THSD4: variants seen among roughly 807,000 people sequenced by gnomAD.
THSD4 encodes thrombospondin type-1 domain-containing protein 4.
In THSD4, 69 loss-of-function variants were observed where a neutral mutation model predicts 119.0. That is an observed-to-expected ratio of 0.58 (90% CI 0.48 to 0.71). THSD4 has a LOEUF of 0.71. Ranked by LOEUF, THSD4 falls within the 30% of genes least tolerant of loss-of-function variation. The pLI is 0.00. For synonymous variants in THSD4, 524 were observed against 540.4 expected (o/e 0.97, Z 0.42); for missense variants, 1,393 against 1,391.1 (o/e 1.00, Z -0.02).
intron 8 of THSD4, among the ~76,000 whole-genome samples, chr15:71,687,950 G>A (rs2051953726): frequency 6.6e-6 from 1 of 152,122 alleles, no homozygotes; most frequent in Admixed American, 6.5e-5. Context: ...AGCTAAGTCT[G>A]TTATTAGCCA....
chr15:71,638,119 A>T (rs2050785869), intron 7 of THSD4, among the ~76,000 whole-genome samples: 1 of 152,190 alleles, frequency 6.6e-6, no homozygotes. Context: ...TTTTGTTTTA[A>T]AAAGTGCAGG....
intron 6 of THSD4, among the ~76,000 whole-genome samples, chr15:71,303,231 T>C (rs2044976994): frequency 6.6e-6 from 1 of 152,184 alleles, no homozygotes; most frequent in Admixed American, 6.5e-5. Flanking sequence ...CATCACTAGC[T>C]CTGGGCGCCG....
intron 3 of THSD4, among the ~76,000 whole-genome samples, chr15:71,206,381 C>T (rs2043844082): frequency 6.6e-6 from 1 of 152,208 alleles, no homozygotes; most frequent in African/African-American, 2.4e-5. Flanking sequence ...GTTGTCCTAG[C>T]TGAGCAGCCA....
intron 13 of THSD4, among the ~76,000 whole-genome samples, chr15:71,747,789 T>C (rs1403038092): frequency 6.6e-6 from 1 of 152,228 alleles, no homozygotes; most frequent in Non-Finnish European, 1.5e-5. Flanking sequence ...TACGTATTAA[T>C]CAGTATGTCA....
chr15:71,324,364 A>T (rs758724409), intron 6 of THSD4, among the ~76,000 whole-genome samples: 6 of 152,008 alleles, frequency 3.9e-5, no homozygotes, highest in Admixed American at 1.3e-4. Flanking sequence ...TACACAGATG[A>T]ATTGTAGAGT....
intron 5 of THSD4, among the ~76,000 whole-genome samples, chr15:71,247,284 G>A (rs765506696): frequency 5.9e-5 from 9 of 152,050 alleles, no homozygotes; most frequent in Admixed American, 1.3e-4. Context: ...GTGCAGTGGC[G>A]CAGTCTTTTA....
chr15:71,754,381 C>T (rs778791848), intron 14 of THSD4, among the ~76,000 whole-genome samples: 1 of 152,106 alleles, frequency 6.6e-6, no homozygotes, highest in Non-Finnish European at 1.5e-5. Context: ...TGAGCCACCA[C>T]ACCTGGCCTA....
chr15:71,567,666 TGA>T (rs2049269439), intron 7 of THSD4, among the ~76,000 whole-genome samples: 1 of 150,222 alleles, frequency 6.7e-6, no homozygotes, highest in African/African-American at 2.5e-5. Flanking sequence ...CTTCAGGAGC[TGA>T]GAGAGGAAGG....
intron 7 of THSD4, among the ~76,000 whole-genome samples, chr15:71,607,889 T>G (rs768789366): frequency 6.6e-6 from 1 of 152,152 alleles, no homozygotes; most frequent in Non-Finnish European, 1.5e-5. Context: ...GCCAAGGTTT[T>G]CATATTGTTT....
At chr15:71,758,138 T>G in intron 15 of THSD4, 63 bp downstream of exon 15, 1 of 1,487,254 alleles carries the variant, frequency 6.7e-7, no homozygotes, top group Middle Eastern at 2.0e-4. Context: ...CCAGAGGGGT[T>G]AGGAACCAGG....
intron 6 of THSD4, among the ~76,000 whole-genome samples, chr15:71,297,296 A>C (rs2044875680): frequency 6.8e-6 from 1 of 146,762 alleles, no homozygotes; most frequent in African/African-American, 2.5e-5. Flanking sequence ...TATTTATTCA[A>C]GTCCTTTGCT....
chr15:71,210,293 T>C (rs2043878602), intron 3 of THSD4, among the ~76,000 whole-genome samples: 1 of 152,202 alleles, frequency 6.6e-6, no homozygotes, highest in Non-Finnish European at 1.5e-5. Context: ...GGTGGGTGTT[T>C]TGAGGATTAA....
chr15:71,174,296 G>A (rs1300593848), intron 3 of THSD4, among the ~76,000 whole-genome samples: 3 of 152,120 alleles, frequency 2.0e-5, no homozygotes, highest in Admixed American at 1.3e-4. Flanking sequence ...TGCGCGCGCC[G>A]AAGCAGGGCG....
chr15:71,545,985 G>T (rs924599348), intron 7 of THSD4, among the ~76,000 whole-genome samples: 1 of 152,078 alleles, frequency 6.6e-6, no homozygotes, highest in African/African-American at 2.4e-5. Flanking sequence ...TTTACTTTCT[G>T]GGGCTGGCTG....
rs997170878 is a variant in THSD4 at position 71,609,075 on chromosome 15, A to G, written c.1153-51455A>G. On this transcript the variant is annotated intron_variant, in intron 7 of 17. Transcript: ENST00000261862. ...CTTAGTGCTGGCTTATCTATTGGTA[A>G]TGATCTAAAGAACATTAACTACCAG... 2.6e-5 allele frequency among the ~76,000 whole-genome samples: 4 copies of G among 152,176 alleles called. No homozygotes were observed. The South Asian group carries it at 8.3e-4, about 32-fold the overall frequency.
intron 6 of THSD4, among the ~76,000 whole-genome samples, chr15:71,310,839 TG>T (rs2045100994): frequency 6.6e-6 from 1 of 152,148 alleles, no homozygotes. Context: ...TGGTGGAGAA[TG>T]GGACTGAGAG....
At chr15:71,484,784 C>T (rs1427016647) in intron 7 of THSD4, among the ~76,000 whole-genome samples, 1 of 152,126 alleles carries the variant, frequency 6.6e-6, no homozygotes. Flanking sequence ...TGAAGTGAAC[C>T]CTTGTGATGG....
chr15:71,483,977 A>C (rs2140675211), intron 7 of THSD4, among the ~76,000 whole-genome samples: 1 of 152,288 alleles, frequency 6.6e-6, no homozygotes, highest in East Asian at 1.9e-4. Context: ...GGGAGACACC[A>C]TTCATTCTGC....
chr15:71,280,630 CTG>C (rs2044640512), intron 6 of THSD4, among the ~76,000 whole-genome samples: 1 of 150,570 alleles, frequency 6.6e-6, no homozygotes, highest in African/African-American at 2.5e-5. Flanking sequence ...CTCATTTTTC[CTG>C]TGTTTCTGTT....
Sources: gnomAD v4.1 joint callset for allele counts (sites outside exome capture counted in the v4.1 genomes callset) on GRCh38, gnomAD v4.1.1 for gene constraint, MANE v1.5 for transcripts, NCBI Gene and HGNC (gene_info 2026-07-23, HGNC 2026-07-21) for gene names.